AQR: variants seen among roughly 807,000 people sequenced by gnomAD.
AQR encodes aquarius intron-binding spliceosomal factor, also known as RNA helicase aquarius.
Under a neutral mutation model 180.5 loss-of-function variants are expected in AQR, and 61 were observed. The observed-to-expected ratio is 0.34, with a 90% CI of 0.28 to 0.42. The LOEUF is 0.42. Ranked by LOEUF, AQR falls within the 10% of genes least tolerant of loss-of-function variation. AQR has a pLI of 1.00. For synonymous variants in AQR, 551 were observed against 588.8 expected, an observed-to-expected ratio of 0.94 and a Z score of 0.93; for missense variants, 1,281 against 1,798.3, an observed-to-expected ratio of 0.71 and a Z score of 5.20.
At chr15:34,930,612 A>T (rs927889320) in intron 11 of AQR, among the ~76,000 whole-genome samples, 1 of 152,212 alleles carries the variant, frequency 6.6e-6, no homozygotes, top group African/African-American at 2.4e-5. Flanking sequence ...TTCTGCAAAG[A>T]AAAACTTATA....
intron 18 of AQR, among the ~76,000 whole-genome samples, chr15:34,905,991 G>A (rs138258611): frequency 2.6e-4 from 40 of 152,092 alleles, no homozygotes; most frequent in African/African-American, 8.9e-4. Context: ...CCAAGATCGC[G>A]CCACTGCACT....
At chr15:34,883,198 G>A (rs573594399) in intron 26 of AQR, among the ~76,000 whole-genome samples, 12 of 152,162 alleles carry the variant, frequency 7.9e-5, no homozygotes, top group African/African-American at 2.9e-4. Flanking sequence ...AAGGCAGAGG[G>A]AACTGATGAA....
intron 9 of AQR, among the ~76,000 whole-genome samples, chr15:34,936,042 T>A (rs552467996): frequency 1.3e-5 from 2 of 152,324 alleles, no homozygotes; most frequent in East Asian, 3.9e-4. Flanking sequence ...TAAAGTTGCA[T>A]GTTTTTTTAT....
At chr15:34,859,425 T>C (rs977328261) in intron 34 of AQR, among the ~76,000 whole-genome samples, 1 of 152,166 alleles carries the variant, frequency 6.6e-6, no homozygotes, top group Non-Finnish European at 1.5e-5. Flanking sequence ...GTGTAGCAAC[T>C]AGAACTCTCA....
intron 9 of AQR, 45 bp downstream of exon 9, chr15:34,938,692 G>T: frequency 8.3e-7 from 1 of 1,206,412 alleles, no homozygotes; most frequent in Non-Finnish European, 1.2e-6. Context: ...CATAGGGGCA[G>T]CTATATGATA....
At chr15:34,890,509 T>C (rs1035399356) in intron 23 of AQR, among the ~76,000 whole-genome samples, 185 bp from the exon 24 acceptor site, 7 of 152,214 alleles carry the variant, frequency 4.6e-5, no homozygotes, top group African/African-American at 9.6e-5. Flanking sequence ...TATGGATAAC[T>C]AGAAACCATA....
At chr15:34,871,821 G>C (rs952384577) in intron 30 of AQR, among the ~76,000 whole-genome samples, 1 of 151,960 alleles carries the variant, frequency 6.6e-6, no homozygotes, top group Non-Finnish European at 1.5e-5. Flanking sequence ...AGACTAGAAA[G>C]GAGCTTAAAA....
chr15:34,941,445 C>G (rs567691103), intron 7 of AQR, among the ~76,000 whole-genome samples: 1 of 152,122 alleles, frequency 6.6e-6, no homozygotes, highest in Non-Finnish European at 1.5e-5. Flanking sequence ...TTTATACGTG[C>G]CTTATGTTTT....
chr15:34,941,141 C>A, intron 7 of AQR, 142 bp from the exon 8 acceptor site: 1 of 503,982 alleles, frequency 2.0e-6, no homozygotes, highest in Non-Finnish European at 3.4e-6. Context: ...ATGACAAACC[C>A]TGAAAATTAA....
chr15:34,897,715 C>T lies in AQR; in HGVS notation c.2244-10G>A. 6.2e-7 allele frequency: 1 copy of T among 1,613,156 alleles called. No homozygotes were observed. Among genetic ancestry groups the T allele is most frequent in the Non-Finnish European group, 8.5e-7 (1 of 1,179,712 alleles). On this transcript the variant is annotated splice_polypyrimidine_tract_variant and intron_variant, in intron 20 of 34. Coordinates refer to ENST00000156471, the MANE Select transcript of AQR (RefSeq NM_014691.3). ...TACTGGAAAAGTTATCCTACAAGAC[C>T]AAAACTTCTGTTCATTTTTGCAATT...
chr15:34,933,696 A>T (rs565209080), intron 10 of AQR, among the ~76,000 whole-genome samples: 1 of 152,328 alleles, frequency 6.6e-6, no homozygotes, highest in Non-Finnish European at 1.5e-5. Context: ...TTCTACAAAC[A>T]ACAGCCCATG....
chr15:34,857,338 A>G (rs1290285483), intron 34 of AQR, among the ~76,000 whole-genome samples: 2 of 152,232 alleles, frequency 1.3e-5, no homozygotes, highest in African/African-American at 4.8e-5. Flanking sequence ...GAGGAAAACA[A>G]CCATGAAAAG....
Position 34,876,059 on chromosome 15 carries a change from C to T in AQR, c.3166-53G>A. 9 of 1,287,308 alleles carry T rather than the reference C, an allele frequency of 7.0e-6. No individual in the cohort carries two copies. The South Asian group carries it at 1.1e-4, about 16-fold the overall frequency. The allele number at this position is 1,287,308 out of a possible 1,614,324, so 79.7% of individuals were successfully genotyped here. A position where few individuals can be genotyped will look rare whatever the true frequency, so the allele number is the denominator to read the frequency against. On this transcript the variant is annotated intron_variant, in intron 27 of 34. Coordinates refer to ENST00000156471, the MANE Select transcript of AQR (RefSeq NM_014691.3). ...GACAGCTTAAAAGTCAAACAACTAC[C>T]ATCATAAACATAATCATCAAAAAAA...
intron 31 of AQR, chr15:34,867,876 A>G: frequency 3.3e-6 from 1 of 300,278 alleles, no homozygotes; most frequent in Middle Eastern, 1.0e-3. Context: ...TGGAATTAAC[A>G]GTCTTCCCCC....
intron 10 of AQR, among the ~76,000 whole-genome samples, chr15:34,933,413 C>A (rs1893896655): frequency 6.6e-6 from 1 of 151,864 alleles, no homozygotes; most frequent in Non-Finnish European, 1.5e-5. Flanking sequence ...TACATCAATT[C>A]TGTGTCTGAA....
rs1430121042 is a variant in AQR at position 34,932,306 on chromosome 15, A to G, written c.900+12T>C. The G allele has an allele frequency of 6.3e-7, 1 of 1,579,036 alleles. No homozygotes were observed. The highest frequency in any genetic ancestry group is 1.1e-5 in the South Asian group (1 of 90,358). On this transcript the variant is annotated intron_variant, in intron 11 of 34. Coordinates refer to ENST00000156471, the MANE Select transcript of AQR (RefSeq NM_014691.3). Reference sequence around the variant, plus strand: ...TAAAACAATAAATACGTTCAGATACATCAATATTCACCTGGGAAAAAAGAT... The same window carrying G: ...TAAAACAATAAATACGTTCAGATACGTCAATATTCACCTGGGAAAAAAGAT...
At chr15:34,875,285 T>C (rs866904524) in intron 28 of AQR, among the ~76,000 whole-genome samples, 1 of 152,076 alleles carries the variant, frequency 6.6e-6, no homozygotes, top group East Asian at 1.9e-4. Flanking sequence ...CAGTAAAAAC[T>C]ACCTTCTTTA....
chr15:34,944,944 G>A (rs1436791019), intron 5 of AQR, among the ~76,000 whole-genome samples: 2 of 152,306 alleles, frequency 1.3e-5, no homozygotes, highest in South Asian at 4.1e-4. Context: ...CTCCAAGCGT[G>A]TGGTCTATAC....
rs565202160 is a variant in AQR, at chr15:34,956,696, G to GAAAAAAAAA, written c.174-3785_174-3777dup. Among the ~76,000 whole-genome samples, 49 of 83,348 alleles carry GAAAAAAAAA rather than the reference G, an allele frequency of 5.9e-4. 1 individual carries two copies. The highest frequency in any genetic ancestry group is 1.1e-3 in the South Asian group (2 of 1,814). The allele number at this position is 83,348 out of a possible 152,430, so 54.7% of individuals were successfully genotyped here. On this transcript the variant is annotated intron_variant, in intron 3 of 34. Coordinates refer to ENST00000156471, the MANE Select transcript of AQR (RefSeq NM_014691.3). The stretch of plus-strand genomic sequence containing the variant: ...GAACAGAATATTCAGTAAGAAGTCA[G>GAAAAAAAAA]AAAAAAAAAAAAAAAAAAAAGAACC...
Sources: gnomAD v4.1 joint callset for allele counts (sites outside exome capture counted in the v4.1 genomes callset) on GRCh38, gnomAD v4.1.1 for gene constraint, MANE v1.5 for transcripts, NCBI Gene and HGNC (gene_info 2026-07-23, HGNC 2026-07-21) for gene names.